CNTN5: variants seen among roughly 807,000 people sequenced by gnomAD.
CNTN5 encodes the protein contactin-5.
Under a neutral mutation model 129.1 loss-of-function variants are expected in CNTN5, and 77 were observed. The ratio of observed to expected loss-of-function variants is 0.60; its 90% CI spans 0.50 to 0.72. The LOEUF is 0.72. Among genes scored for constraint, CNTN5 ranks in the 30% least tolerant of loss-of-function variants. The probability of loss-of-function intolerance (pLI) is 0.00; values close to 1 mark genes in which losing one functional copy is unlikely to be tolerated. For missense variants in CNTN5, 1,478 were observed against 1,328.8 expected (o/e 1.11, Z -1.75); for synonymous variants, 509 against 465.6 (o/e 1.09, Z -1.20).
chr11:99,624,809 A>G (rs1245406534), intron 3 of CNTN5, among the ~76,000 whole-genome samples: 1 of 152,192 alleles, frequency 6.6e-6, no homozygotes, highest in Non-Finnish European at 1.5e-5. Context: ...TTCTCCAAAT[A>G]TAGCTCATTG....
At chr11:99,804,064 G>A (rs1946194611) in intron 3 of CNTN5, among the ~76,000 whole-genome samples, 2 of 152,066 alleles carry the variant, frequency 1.3e-5, no homozygotes, top group African/African-American at 4.8e-5. Flanking sequence ...GACAGCACAT[G>A]TCAGAAAATA....
At chr11:99,923,757 GTCTA>G (rs11271049) in intron 7 of CNTN5, among the ~76,000 whole-genome samples, 3,248 of 140,646 alleles carry the variant, frequency 0.023, 54 homozygotes, top group Admixed American at 0.034. Context: ...CTATCTGTCT[GTCTA>G]TCTATCTATC....
At chr11:99,565,323 A>G (rs1948968168) in intron 3 of CNTN5, among the ~76,000 whole-genome samples, 1 of 152,180 alleles carries the variant, frequency 6.6e-6, no homozygotes, top group African/African-American at 2.4e-5. Context: ...CCTCCTCCTC[A>G]GAAATCTCAT....
At chr11:99,307,802 T>C (rs149252766) in intron 1 of CNTN5, among the ~76,000 whole-genome samples, 1 of 152,230 alleles carries the variant, frequency 6.6e-6, no homozygotes, top group African/African-American at 2.4e-5. Context: ...TTAAAGAAAA[T>C]GTCAGGCTGT....
chr11:99,646,594 A>G (rs1951971281), intron 3 of CNTN5, among the ~76,000 whole-genome samples: 1 of 152,166 alleles, frequency 6.6e-6, no homozygotes, highest in African/African-American at 2.4e-5. Flanking sequence ...TAAAGTTGGC[A>G]TGCACTTATG....
intron 16 of CNTN5, among the ~76,000 whole-genome samples, chr11:100,233,624 A>T (rs1949541485): frequency 6.6e-6 from 1 of 152,100 alleles, no homozygotes; most frequent in African/African-American, 2.4e-5. Context: ...GAAAAGTCTG[A>T]ACTTCCTCTG....
At chr11:99,550,158 G>A (rs1391430392) in intron 2 of CNTN5, among the ~76,000 whole-genome samples, 2 of 152,156 alleles carry the variant, frequency 1.3e-5, no homozygotes, top group Non-Finnish European at 2.9e-5. Context: ...TGTGAGCTCA[G>A]TCTGCTCACT....
chr11:99,429,165 A>ATTT (rs1346946133), intron 2 of CNTN5, among the ~76,000 whole-genome samples: 3 of 152,116 alleles, frequency 2.0e-5, no homozygotes, highest in African/African-American at 7.2e-5. Flanking sequence ...TTTATTAAAG[A>ATTT]TTTGCTTAAG....
At chr11:100,227,976 T>C (rs1421259819) in intron 16 of CNTN5, among the ~76,000 whole-genome samples, 1 of 152,130 alleles carries the variant, frequency 6.6e-6, no homozygotes, top group African/African-American at 2.4e-5. Flanking sequence ...GGAATATTAG[T>C]TTTTTGTTAT....
chr11:99,325,524 G>A (rs904588838), intron 2 of CNTN5, 40 bp downstream of exon 2: 1 of 151,946 alleles, frequency 6.6e-6, no homozygotes, highest in African/African-American at 2.4e-5. Context: ...AAAATTGAAA[G>A]ACATGTTGAA....
At chr11:99,264,748 G>A (rs1166576012) in intron 1 of CNTN5, among the ~76,000 whole-genome samples, 2 of 152,006 alleles carry the variant, frequency 1.3e-5, no homozygotes, top group African/African-American at 2.4e-5. Context: ...CATAAACTAA[G>A]AAGTTATTTT....
intron 3 of CNTN5, among the ~76,000 whole-genome samples, chr11:99,756,912 G>GT (rs1659838154): frequency 7.9e-6 from 1 of 126,616 alleles, no homozygotes; most frequent in Non-Finnish European, 1.7e-5. Context: ...AACAATAGAG[G>GT]GTTTTTTTTT....
intron 8 of CNTN5, among the ~76,000 whole-genome samples, chr11:99,963,559 A>C (rs1368427138): frequency 6.6e-6 from 1 of 152,174 alleles, no homozygotes; most frequent in African/African-American, 2.4e-5. Context: ...TGGTTACTGT[A>C]ACCTTGTGGT....
At chr11:99,153,501 T>C (rs1483951081) in intron 1 of CNTN5, among the ~76,000 whole-genome samples, 1 of 151,930 alleles carries the variant, frequency 6.6e-6, no homozygotes, top group East Asian at 1.9e-4. Context: ...TTTTTTTTTT[T>C]TTCTTAAAAT....
intron 6 of CNTN5, among the ~76,000 whole-genome samples, chr11:99,903,672 C>T (rs528695943): frequency 1.3e-5 from 2 of 152,178 alleles, no homozygotes; most frequent in South Asian, 4.1e-4. Flanking sequence ...ACTGCCATCA[C>T]CCTTGGTCAG....
intron 3 of CNTN5, among the ~76,000 whole-genome samples, chr11:99,582,579 T>C (rs1476335997): frequency 6.6e-6 from 1 of 152,230 alleles, no homozygotes; most frequent in African/African-American, 2.4e-5. Context: ...ATTCATTTCG[T>C]CTTCCATCGC....
intron 1 of CNTN5, among the ~76,000 whole-genome samples, chr11:99,122,588 T>TTA (rs1858400603): frequency 6.6e-6 from 1 of 152,128 alleles, no homozygotes; most frequent in Admixed American, 6.6e-5. Context: ...TACAGGATTG[T>TTA]TATATAAGTA....
chr11:99,639,559 G>GTT (rs71050010), intron 3 of CNTN5, among the ~76,000 whole-genome samples: 12,002 of 70,266 alleles, frequency 0.17, 2,031 homozygotes, highest in Admixed American at 0.2. Context: ...TCACCTTTAT[G>GTT]TTTTTTTTTT....
chr11:99,194,791 G>C (rs1421882992), intron 1 of CNTN5, among the ~76,000 whole-genome samples: 3 of 152,098 alleles, frequency 2.0e-5, no homozygotes, highest in Non-Finnish European at 4.4e-5. Context: ...TTTTAGTAGA[G>C]ATGGGGTTTC....
Sources: gnomAD v4.1 joint callset for allele counts (sites outside exome capture counted in the v4.1 genomes callset) on GRCh38, gnomAD v4.1.1 for gene constraint, MANE v1.5 for transcripts, NCBI Gene and HGNC (gene_info 2026-07-23, HGNC 2026-07-21) for gene names.